The following WDR70 variants were observed in gnomAD, a reference collection of about 807,000 sequenced individuals.
WDR70 encodes WD repeat-containing protein 70.
WDR70 carries 53 observed loss-of-function variants against 88.6 expected under a neutral mutation model. The observed-to-expected ratio is 0.60, with a 90% CI of 0.48 to 0.75. WDR70 has a LOEUF of 0.75. Ranked by LOEUF, WDR70 falls within the 30% of genes least tolerant of loss-of-function variation. The probability of loss-of-function intolerance (pLI) is 0.00; values close to 1 mark genes in which losing one functional copy is unlikely to be tolerated. For synonymous variants in WDR70, 280 were observed against 270.0 expected (o/e 1.04, Z -0.36); for missense variants, 610 against 823.2 (o/e 0.74, Z 3.17).
chr5:37,572,669 G>A, intron 9 of WDR70, among the ~76,000 whole-genome samples: 1 of 152,088 alleles, frequency 6.6e-6, no homozygotes, highest in East Asian at 1.9e-4. Flanking sequence ...TATTGAATCA[G>A]TGCACCTTAC....
chr5:37,587,243 A>G (rs1313626406), intron 9 of WDR70, among the ~76,000 whole-genome samples: 2 of 151,936 alleles, frequency 1.3e-5, no homozygotes, highest in African/African-American at 2.4e-5. Context: ...AACACATCTC[A>G]CAGGATACCC....
chr5:37,429,636 A>C (rs188445546), intron 5 of WDR70, among the ~76,000 whole-genome samples: 3 of 152,260 alleles, frequency 2.0e-5, no homozygotes, highest in South Asian at 2.1e-4. Context: ...TCTTGAAAAC[A>C]AATTTGTATA....
intron 10 of WDR70, among the ~76,000 whole-genome samples, chr5:37,654,886 C>G (rs900075546): frequency 6.6e-6 from 1 of 152,140 alleles, no homozygotes; most frequent in Non-Finnish European, 1.5e-5. Context: ...ACTGATGGGT[C>G]TTGACTATTT....
In WDR70 at chr5:37,603,349, G is replaced by A. The variant is rs757795380; in HGVS notation, c.918-1715G>A. ...TTACAGCCAATTGATTTTCAACAAA[G>A]ATGCCAAGAACACACAGTCTCTTCA... On this transcript the variant is annotated intron_variant, in intron 9 of 17. Transcript: ENST00000265107. Among the ~76,000 whole-genome samples, 26 of 152,268 alleles carry A rather than the reference G, an allele frequency of 1.7e-4. 1 individual carries two copies. The highest frequency in any genetic ancestry group is 3.1e-4 in the Non-Finnish European group (21 of 68,022).
At chr5:37,666,854 C>T (rs1019621234) in intron 10 of WDR70, among the ~76,000 whole-genome samples, 1 of 152,158 alleles carries the variant, frequency 6.6e-6, no homozygotes, top group Non-Finnish European at 1.5e-5. Flanking sequence ...CTAACCTTAC[C>T]TTTCTGCACC....
At chr5:37,564,419 G>T (rs4869529) in intron 9 of WDR70, among the ~76,000 whole-genome samples, 12 of 151,868 alleles carry the variant, frequency 7.9e-5, no homozygotes, top group African/African-American at 1.2e-4. Context: ...CGCAGGCACT[G>T]GGCAGGCTGA....
At position 37,381,615 on chromosome 5, in the gene WDR70, C is replaced by T. The variant is rs760007069; in HGVS notation, c.105C>T (p.Arg35=). The change falls in exon 3 of 18, where the codon CGC becomes CGT. Residue 35 remains arginine (R), a synonymous_variant. Coordinates refer to ENST00000265107, the MANE Select transcript of WDR70 (RefSeq NM_018034.4). Reference sequence around the variant, plus strand: ...TTCATGTTTTAGGTAAAAAAGCTCGCACATTTGACTTGGAAGCAATGTTTG... The same window carrying T: ...TTCATGTTTTAGGTAAAAAAGCTCGTACATTTGACTTGGAAGCAATGTTTG... ...MGFTGFGKKA[R]TFDLEAMFEQ... The T allele has an allele frequency of 2.5e-6, 4 of 1,611,042 alleles. No individual in the cohort carries two copies. The highest frequency in any genetic ancestry group is 3.4e-6 in the Non-Finnish European group (4 of 1,177,900).
chr5:37,401,352 A>G (rs375871273), intron 5 of WDR70, among the ~76,000 whole-genome samples: 14 of 132,298 alleles, frequency 1.1e-4, no homozygotes, highest in Admixed American at 2.5e-4. Context: ...GTCTTGCTCT[A>G]TTGCCCAGGC....
chr5:37,524,821 G>T (rs1386387492), intron 9 of WDR70, among the ~76,000 whole-genome samples: 2 of 152,136 alleles, frequency 1.3e-5, no homozygotes, highest in Non-Finnish European at 2.9e-5. Flanking sequence ...AAAGGTAGGG[G>T]TTGGAATCCT....
At chr5:37,450,932 C>T (rs140085109) in intron 7 of WDR70, among the ~76,000 whole-genome samples, 2,329 of 152,042 alleles carry the variant, frequency 0.015, 52 homozygotes, top group African/African-American at 0.053. Context: ...GAGTTTCACT[C>T]TTGTTGCCCA....
intron 7 of WDR70, among the ~76,000 whole-genome samples, chr5:37,463,101 G>A (rs1352327267): frequency 6.6e-6 from 1 of 151,870 alleles, no homozygotes; most frequent in Non-Finnish European, 1.5e-5. Context: ...GCGAAACCCC[G>A]TCTCTACTAA....
chr5:37,686,746 A>AT (rs1746614885), intron 10 of WDR70, among the ~76,000 whole-genome samples: 1 of 151,662 alleles, frequency 6.6e-6, no homozygotes, highest in Non-Finnish European at 1.5e-5. Flanking sequence ...TATACAGACA[A>AT]TTTTTCCAAT....
chr5:37,456,768 GAC>G, intron 7 of WDR70, among the ~76,000 whole-genome samples: 1 of 152,186 alleles, frequency 6.6e-6, no homozygotes, highest in South Asian at 2.1e-4. Context: ...AAAATTAAAA[GAC>G]AAATTATAAA....
At chr5:37,507,665 C>T (rs1007289243) in intron 8 of WDR70, among the ~76,000 whole-genome samples, 5 of 152,184 alleles carry the variant, frequency 3.3e-5, no homozygotes, top group African/African-American at 1.2e-4. Flanking sequence ...TTCATCAGCA[C>T]AGTATATCTC....
At chr5:37,561,016 G>A (rs574679581) in intron 9 of WDR70, among the ~76,000 whole-genome samples, 9 of 151,570 alleles carry the variant, frequency 5.9e-5, no homozygotes, top group Non-Finnish European at 8.8e-5. Flanking sequence ...TGGCTGAGCC[G>A]GCCATGTGGT....
At chr5:37,578,701 T>TTGTA (rs1743127535) in intron 9 of WDR70, among the ~76,000 whole-genome samples, 1 of 152,240 alleles carries the variant, frequency 6.6e-6, no homozygotes, top group Non-Finnish European at 1.5e-5. Flanking sequence ...CACAACTAAT[T>TTGTA]AGACTCTGTT....
At chr5:37,381,520 G>A in intron 2 of WDR70, 82 bp from the exon 3 acceptor site, 2 of 1,063,786 alleles carry the variant, frequency 1.9e-6, no homozygotes, top group South Asian at 2.5e-5. Context: ...CAAAGTAAGT[G>A]TTTATTGATC....
chr5:37,480,839 T>C, intron 8 of WDR70, among the ~76,000 whole-genome samples: 1 of 152,168 alleles, frequency 6.6e-6, no homozygotes, highest in East Asian at 1.9e-4. Flanking sequence ...CAAAGTCTCA[T>C]CTGAGACAAG....
At chr5:37,395,382 G>A (rs776906238) in intron 4 of WDR70, among the ~76,000 whole-genome samples, 4 of 152,114 alleles carry the variant, frequency 2.6e-5, no homozygotes, top group Non-Finnish European at 5.9e-5. Flanking sequence ...TCCTGAAGCC[G>A]TGGTTTTTAG....
Sources: gnomAD v4.1 joint callset for allele counts (sites outside exome capture counted in the v4.1 genomes callset) on GRCh38, gnomAD v4.1.1 for gene constraint, MANE v1.5 for transcripts, NCBI Gene and HGNC (gene_info 2026-07-23, HGNC 2026-07-21) for gene names.